The following DYNLRB2 variants were observed in gnomAD, a reference collection of about 807,000 sequenced individuals.
DYNLRB2 encodes the protein bithoraxoid-like protein.
Under a neutral mutation model 12.6 loss-of-function variants are expected in DYNLRB2, and 14 were observed. The ratio of observed to expected loss-of-function variants is 1.11; its 90% CI spans 0.73 to 1.73. The LOEUF is 1.73. Ranked by LOEUF, DYNLRB2 falls within the 40% of genes most tolerant of loss-of-function variation. DYNLRB2 has a pLI of 0.00. For missense variants in DYNLRB2, 142 were observed against 117.7 expected, an observed-to-expected ratio of 1.21 and a Z score of -0.95; for synonymous variants, 53 against 37.0, an observed-to-expected ratio of 1.43 and a Z score of -1.57.
intron 2 of DYNLRB2, among the ~76,000 whole-genome samples, chr16:80,544,517 G>C (rs1167867273): frequency 1.3e-5 from 2 of 152,174 alleles, no homozygotes; most frequent in African/African-American, 4.8e-5. Flanking sequence ...AAGCATTCCA[G>C]CCCTAGTACG....
intron 1 of DYNLRB2, among the ~76,000 whole-genome samples, chr16:80,542,957 T>G (rs1345175039): frequency 6.6e-6 from 1 of 152,176 alleles, no homozygotes; most frequent in Non-Finnish European, 1.5e-5. Flanking sequence ...TGGGACAAAT[T>G]TCCATGCAAT....
chr16:80,542,627 A>C (rs1296789090), intron 1 of DYNLRB2, among the ~76,000 whole-genome samples: 1 of 152,212 alleles, frequency 6.6e-6, no homozygotes, highest in Admixed American at 6.5e-5. Flanking sequence ...CACTCTACAC[A>C]TAAGATTCCG....
At chr16:80,543,050 G>C (rs1904303271) in intron 1 of DYNLRB2, among the ~76,000 whole-genome samples, 1 of 152,218 alleles carries the variant, frequency 6.6e-6, no homozygotes, top group Non-Finnish European at 1.5e-5. Context: ...GTCTCTACAA[G>C]GGTTCAAGCC....
At chr16:80,549,338 A>T in intron 2 of DYNLRB2, 146 bp from the exon 3 acceptor site, 1 of 774,232 alleles carries the variant, frequency 1.3e-6, no homozygotes, top group Non-Finnish European at 1.9e-6. Flanking sequence ...GATTTGAGGG[A>T]AATAAACTAA....
chr16:80,540,872 T>A, upstream of DYNLRB2: 3 of 880,396 alleles, frequency 3.4e-6, no homozygotes, highest in South Asian at 2.8e-5. Flanking sequence ...CCTGCTCCCC[T>A]CTTCCGCGAA....
rs57920646 is a variant in DYNLRB2, at chr16:80,545,377, TTACTC to T, written c.79+2029_79+2033del. On this transcript the variant is annotated intron_variant, in intron 2 of 3. Coordinates refer to ENST00000305904, the MANE Select transcript of DYNLRB2 (RefSeq NM_130897.3). ...AGTAACTAATTTTACTTGATGAACA[TTACTC>T]TATTTAAAAGGTTGAAGACTGTTTA... is the stretch of plus-strand genomic sequence containing the variant. Among the ~76,000 whole-genome samples the T allele has an allele frequency of 5.2e-3, 786 of 152,240 alleles. 1 individual carries two copies. The highest frequency in any genetic ancestry group is 6.1e-3 in the Non-Finnish European group (418 of 68,008).
chr16:80,545,329 C>T (rs1040150216), intron 2 of DYNLRB2, among the ~76,000 whole-genome samples: 2 of 151,956 alleles, frequency 1.3e-5, no homozygotes, highest in Admixed American at 1.3e-4. Flanking sequence ...ATAAATGTAT[C>T]CTAACAGTAG....
At chr16:80,549,019 C>T (rs1213851396) in intron 2 of DYNLRB2, 2 of 455,816 alleles carry the variant, frequency 4.4e-6, no homozygotes, top group Non-Finnish European at 8.8e-6. Context: ...CAGGGGAGTG[C>T]ATTTCATATA....
chr16:80,544,013 A>G (rs1904317348), intron 2 of DYNLRB2, among the ~76,000 whole-genome samples: 1 of 152,184 alleles, frequency 6.6e-6, no homozygotes, highest in African/African-American at 2.4e-5. Flanking sequence ...GCTAATTCAG[A>G]CATTTGTAAG....
At position 80,547,499 on chromosome 16, in the gene DYNLRB2, G is replaced by A. The variant is rs369734025; in HGVS notation, c.80-1985G>A. 4.2e-3 allele frequency among the ~76,000 whole-genome samples: 207 copies of A among 49,632 alleles called. 2 individuals are homozygous for A. Among genetic ancestry groups the A allele is most frequent in the Middle Eastern group, 0.027 (2 of 74 alleles). The allele number at this position is 49,632 out of a possible 152,430, so 32.6% of individuals were successfully genotyped here. ...ATGAAAAACTCCATGTGTTTCCACC[G>A]TGCACACTTATTCAAAAAGGCTAGC... On this transcript the variant is annotated intron_variant, in intron 2 of 3. Transcript: ENST00000305904.
At chr16:80,545,536 G>C (rs535531362) in intron 2 of DYNLRB2, among the ~76,000 whole-genome samples, 1 of 152,030 alleles carries the variant, frequency 6.6e-6, no homozygotes, top group Admixed American at 6.6e-5. Context: ...GGAAGGGTAG[G>C]GATATGTTAC....
chr16:80,542,218 G>A (rs1165632213), intron 1 of DYNLRB2, among the ~76,000 whole-genome samples: 1 of 152,156 alleles, frequency 6.6e-6, no homozygotes, highest in Non-Finnish European at 1.5e-5. Context: ...GTTTCCATTT[G>A]TGGTAGTGAC....
At chr16:80,541,263 T>TAG (rs1904285580) in intron 1 of DYNLRB2, 184 bp downstream of exon 1, 1 of 949,522 alleles carries the variant, frequency 1.1e-6, no homozygotes, top group African/African-American at 1.8e-5. Flanking sequence ...AGAAGATGTC[T>TAG]AGATGACTGG....
intron 2 of DYNLRB2, chr16:80,544,791 G>C (rs138751808): frequency 6.6e-6 from 1 of 152,146 alleles, no homozygotes; most frequent in African/African-American, 2.4e-5. Flanking sequence ...CCTCTTCCTA[G>C]CTTCTGGTAG....
chr16:80,542,100 C>T (rs971169606), intron 1 of DYNLRB2, among the ~76,000 whole-genome samples: 2 of 152,144 alleles, frequency 1.3e-5, no homozygotes, highest in Non-Finnish European at 2.9e-5. Context: ...AAGAGCAGGC[C>T]TCAGGCTCAG....
intron 1 of DYNLRB2, 151 bp from the exon 2 acceptor site, chr16:80,543,125 T>C (rs1904304278): frequency 4.3e-6 from 3 of 702,672 alleles, no homozygotes; most frequent in Non-Finnish European, 7.0e-6. Flanking sequence ...CTTGACAATT[T>C]CTAAGCTGTC....
chr16:80,550,628 A>G lies in DYNLRB2; in HGVS notation c.*70A>G. 2 of 1,528,506 alleles carry G rather than the reference A, an allele frequency of 1.3e-6. No individual in the cohort carries two copies. Among genetic ancestry groups the G allele is most frequent in the African/African-American group, 2.7e-5 (2 of 73,054 alleles). 94.7% of individuals were successfully genotyped at this position (1,528,506 alleles called of 1,614,324 possible). A position where few individuals can be genotyped will look rare whatever the true frequency, so the allele number is the denominator to read the frequency against. ...ACTTGGCTCTCTCATGAGTATTAAA[A>G]TTCTATTTCAATCTAACTGACCCTT... On this transcript the variant is annotated 3_prime_UTR_variant, in exon 4 of 4. Coordinates refer to ENST00000305904, the MANE Select transcript of DYNLRB2 (RefSeq NM_130897.3).
chr16:80,540,935 C>G, upstream of DYNLRB2: 1 of 1,486,578 alleles, frequency 6.7e-7, no homozygotes, highest in Non-Finnish European at 9.2e-7. Context: ...GGCGAAAAAG[C>G]CGACTCGCGA....
At chr16:80,548,836 A>G in intron 2 of DYNLRB2, 1 of 426,068 alleles carries the variant, frequency 2.3e-6, no homozygotes, top group Non-Finnish European at 4.8e-6. Flanking sequence ...CCTTATTACC[A>G]CATTTTCTAA....
Sources: gnomAD v4.1 joint callset for allele counts (sites outside exome capture counted in the v4.1 genomes callset) on GRCh38, gnomAD v4.1.1 for gene constraint, MANE v1.5 for transcripts, NCBI Gene and HGNC (gene_info 2026-07-23, HGNC 2026-07-21) for gene names.